SPAG16: variants seen among roughly 807,000 people sequenced by gnomAD.
The protein encoded by SPAG16 is sperm-associated antigen 16 protein.
A neutral mutation model predicts 80.4 loss-of-function variants in SPAG16; 86 were observed. The observed-to-expected ratio is 1.07, with a 90% confidence interval of 0.90 to 1.28. The LOEUF (loss-of-function observed/expected upper bound fraction) is 1.28. Ranked by LOEUF, SPAG16 falls within the 50% of genes most tolerant of loss-of-function variation. SPAG16 has a pLI of 0.00. For missense variants in SPAG16, 870 were observed against 765.3 expected (o/e 1.14, Z -1.61); for synonymous variants, 294 against 265.9 (o/e 1.11, Z -1.03).
At chr2:213,708,532 G>A (rs562095953) in intron 10 of SPAG16, among the ~76,000 whole-genome samples, 2 of 152,256 alleles carry the variant, frequency 1.3e-5, no homozygotes, top group South Asian at 4.1e-4. Flanking sequence ...GGTGGCTCAC[G>A]CCTGTAATCC....
At chr2:213,514,783 C>G (rs190782164) in intron 10 of SPAG16, among the ~76,000 whole-genome samples, 21 of 152,028 alleles carry the variant, frequency 1.4e-4, no homozygotes, top group African/African-American at 4.8e-4. Flanking sequence ...AGTGAAGATA[C>G]AAATCTATGC....
At chr2:213,490,795 G>A (rs533054830) in intron 10 of SPAG16, among the ~76,000 whole-genome samples, 2 of 152,110 alleles carry the variant, frequency 1.3e-5, no homozygotes, top group Non-Finnish European at 2.9e-5. Context: ...TTTGGTCATA[G>A]AGTCCCAAAT....
At chr2:213,493,517 G>A (rs1049696615) in intron 10 of SPAG16, among the ~76,000 whole-genome samples, 3 of 152,122 alleles carry the variant, frequency 2.0e-5, no homozygotes, top group Admixed American at 1.3e-4. Flanking sequence ...ACTCTTACAC[G>A]ATGCTTCCCA....
At chr2:214,167,090 G>T (rs535729155) in intron 15 of SPAG16, among the ~76,000 whole-genome samples, 2 of 152,248 alleles carry the variant, frequency 1.3e-5, no homozygotes, top group East Asian at 1.9e-4. Flanking sequence ...AGTTAATAAA[G>T]CTTAACTCCT....
chr2:213,417,937 G>A (rs1372375176), intron 9 of SPAG16, among the ~76,000 whole-genome samples: 1 of 150,504 alleles, frequency 6.6e-6, no homozygotes, highest in Non-Finnish European at 1.5e-5. Context: ...GCAGTGGCAC[G>A]ATCTCGGCTC....
At chr2:214,299,930 G>A (rs1465548487) in intron 15 of SPAG16, among the ~76,000 whole-genome samples, 1 of 152,094 alleles carries the variant, frequency 6.6e-6, no homozygotes, top group Non-Finnish European at 1.5e-5. Context: ...TAAAGAAATT[G>A]CATAGACAAG....
At chr2:213,715,210 G>A (rs2066174278) in intron 10 of SPAG16, among the ~76,000 whole-genome samples, 1 of 120,302 alleles carries the variant, frequency 8.3e-6, no homozygotes, top group Admixed American at 8.3e-5. Context: ...TTCAAGTTAG[G>A]TAGATCTATC....
chr2:213,932,886 T>G (rs2078827974), intron 12 of SPAG16, among the ~76,000 whole-genome samples: 3 of 152,206 alleles, frequency 2.0e-5, no homozygotes, highest in Admixed American at 2.0e-4. Context: ...AGTAGCTTTT[T>G]TATTATCTTC....
At chr2:213,723,535 C>T (rs1303532365) in intron 10 of SPAG16, among the ~76,000 whole-genome samples, 6 of 152,302 alleles carry the variant, frequency 3.9e-5, no homozygotes, top group South Asian at 4.1e-4. Flanking sequence ...TACCCAGTCT[C>T]AAATTTTACC....
At chr2:213,700,958 G>T (rs969030777) in intron 10 of SPAG16, among the ~76,000 whole-genome samples, 8 of 151,886 alleles carry the variant, frequency 5.3e-5, no homozygotes, top group African/African-American at 1.9e-4. Flanking sequence ...GATCAGCCTG[G>T]TGGCCAGGCA....
intron 10 of SPAG16, among the ~76,000 whole-genome samples, chr2:213,689,183 T>C (rs996915067): frequency 6.6e-6 from 1 of 152,152 alleles, no homozygotes; most frequent in Admixed American, 6.6e-5. Context: ...TGGTCTTGAA[T>C]GCCTGACCTC....
chr2:213,994,779 G>A (rs533637941), intron 12 of SPAG16, among the ~76,000 whole-genome samples: 3 of 152,028 alleles, frequency 2.0e-5, no homozygotes, highest in South Asian at 4.2e-4. Context: ...TGTATCAATG[G>A]AGCAAAAATT....
At chr2:213,854,525 C>T (rs1292152971) in intron 10 of SPAG16, among the ~76,000 whole-genome samples, 1 of 152,204 alleles carries the variant, frequency 6.6e-6, no homozygotes, top group Non-Finnish European at 1.5e-5. Context: ...TTCTTCAAAT[C>T]TAGGCAGGCA....
In SPAG16 at chr2:213,424,865, C is replaced by T. The variant is rs146369893; in HGVS notation, c.942+49746C>T. On this transcript the variant is annotated intron_variant, in intron 9 of 15. Coordinates refer to ENST00000331683, the MANE Select transcript of SPAG16 (RefSeq NM_024532.5). Reference sequence around the variant, plus strand: ...ATAAAACCTCTACTGAGCTGGGAACCCAGCCACTGAGTTATATTCATTTCT... The same window carrying T: ...ATAAAACCTCTACTGAGCTGGGAACTCAGCCACTGAGTTATATTCATTTCT... Among the ~76,000 whole-genome samples, 29 of 152,272 alleles carry T rather than the reference C, an allele frequency of 1.9e-4. No homozygotes were observed. The East Asian group carries it at 5.6e-3, about 29-fold the overall frequency.
intron 10 of SPAG16, among the ~76,000 whole-genome samples, chr2:213,675,400 T>C (rs2064010247): frequency 6.6e-6 from 1 of 152,226 alleles, no homozygotes; most frequent in South Asian, 2.1e-4. Flanking sequence ...TTAGATACCA[T>C]TTGTCAATTT....
chr2:213,546,416 A>G (rs1273144171), intron 10 of SPAG16, among the ~76,000 whole-genome samples: 1 of 152,088 alleles, frequency 6.6e-6, no homozygotes, highest in African/African-American at 2.4e-5. Flanking sequence ...TATTTTTTCT[A>G]CAATGCATTT....
chr2:213,309,161 G>A (rs1017773485), intron 3 of SPAG16, among the ~76,000 whole-genome samples: 3 of 151,988 alleles, frequency 2.0e-5, no homozygotes, highest in South Asian at 2.1e-4. Context: ...TTGGATTTTC[G>A]GATTAGGGAT....
Position 213,788,825 on chromosome 2 carries a change from T to G in SPAG16, c.1071-73660T>G, listed in dbSNP as rs532379540. Among the ~76,000 whole-genome samples the G allele has an allele frequency of 2.0e-5, 3 of 151,372 alleles. No homozygotes were observed. The East Asian group carries it at 5.8e-4, about 30-fold the overall frequency. On this transcript the variant is annotated intron_variant, in intron 10 of 15. Coordinates refer to ENST00000331683, the MANE Select transcript of SPAG16 (RefSeq NM_024532.5). ...CTTATATTTGTTTTTGTTTGCTTGT[T>G]TTATGGATGTGACATTGATGATATA...
chr2:213,294,272 T>A (rs905432175), intron 1 of SPAG16, among the ~76,000 whole-genome samples: 1 of 152,166 alleles, frequency 6.6e-6, no homozygotes, highest in Non-Finnish European at 1.5e-5. Flanking sequence ...AGAGTAGCTT[T>A]GAAACTGGGG....
Sources: allele counts gnomAD v4.1 joint callset (sites outside exome capture counted in the v4.1 genomes callset), GRCh38; gene constraint gnomAD v4.1.1; transcripts MANE v1.5; gene names NCBI Gene and HGNC (gene_info 2026-07-23, HGNC 2026-07-21).